Variants in ZRANB3 observed in about 807,000 individuals in gnomAD.
The protein encoded by ZRANB3 is zinc finger RANBP2-type containing 3.
A neutral mutation model predicts 133.8 loss-of-function variants in ZRANB3; 125 were observed. That is an observed-to-expected ratio of 0.93 (90% CI 0.81 to 1.08). The LOEUF (loss-of-function observed/expected upper bound fraction) is 1.08, where lower values mean the gene tolerates loss of function less well. Among genes scored for constraint, ZRANB3 ranks in the 50% least tolerant of loss-of-function variants. The pLI, the probability that ZRANB3 is intolerant of heterozygous loss-of-function variation, is 0.00. For synonymous variants in ZRANB3, 387 were observed against 432.7 expected (o/e 0.89, Z 1.31); for missense variants, 1,229 against 1,275.5 (o/e 0.96, Z 0.56).
chr2:135,330,731 G>A (rs915195161), intron 6 of ZRANB3, among the ~76,000 whole-genome samples: 1 of 152,134 alleles, frequency 6.6e-6, no homozygotes, highest in Non-Finnish European at 1.5e-5. Context: ...TTCAGAGCCT[G>A]TTATTGGTCT....
At chr2:135,509,470 CA>C (rs1485779843) in intron 1 of ZRANB3, among the ~76,000 whole-genome samples, 1 of 152,038 alleles carries the variant, frequency 6.6e-6, no homozygotes, top group African/African-American at 2.4e-5. Context: ...CCTAATAAAA[CA>C]AATCTAGATA....
intron 12 of ZRANB3, among the ~76,000 whole-genome samples, chr2:135,255,144 C>G (rs1421110388): frequency 1.3e-5 from 2 of 152,080 alleles, no homozygotes; most frequent in Non-Finnish European, 2.9e-5. Flanking sequence ...AGTCTCAGCT[C>G]CTACACTAGG....
chr2:135,352,910 A>C (rs1685273263), intron 4 of ZRANB3, among the ~76,000 whole-genome samples: 1 of 152,156 alleles, frequency 6.6e-6, no homozygotes, highest in Non-Finnish European at 1.5e-5. Context: ...ATGAGGAAAA[A>C]AATACTAACA....
chr2:135,400,474 T>C (rs1306963018), intron 2 of ZRANB3, among the ~76,000 whole-genome samples: 4 of 152,058 alleles, frequency 2.6e-5, no homozygotes, highest in Non-Finnish European at 5.9e-5. Context: ...GCCTCCCAAG[T>C]AGCTGGAAAT....
At chr2:135,352,490 G>T (rs1196874401) in intron 4 of ZRANB3, among the ~76,000 whole-genome samples, 2 of 151,874 alleles carry the variant, frequency 1.3e-5, no homozygotes, top group Non-Finnish European at 2.9e-5. Context: ...TAATAATTAG[G>T]ATAAGATAGC....
intron 15 of ZRANB3, among the ~76,000 whole-genome samples, chr2:135,223,330 A>ATT (rs1317540635): frequency 6.9e-6 from 1 of 144,604 alleles, no homozygotes. Flanking sequence ...TGAAAAAAAC[A>ATT]TTTTTTTTTT....
chr2:135,296,366 G>A lies in ZRANB3; in HGVS notation c.966+17123C>T, dbSNP rs571951012. ...CTGATACACTTTCTTCCAATTGATC[G>A]CATCGGCTACTGAGGCTTGTGCCTT... On this transcript the variant is annotated intron_variant, in intron 8 of 20. Coordinates refer to ENST00000264159, the MANE Select transcript of ZRANB3 (RefSeq NM_032143.4). Among the ~76,000 whole-genome samples the A allele has an allele frequency of 4.6e-5, 7 of 152,158 alleles. No individual in the cohort carries two copies. In the East Asian group the frequency reaches 5.8e-4, roughly 13 times the overall value.
At chr2:135,495,170 G>A (rs1359629105) in intron 2 of ZRANB3, among the ~76,000 whole-genome samples, 2 of 152,192 alleles carry the variant, frequency 1.3e-5, no homozygotes, top group Non-Finnish European at 1.5e-5. Context: ...CGAGGTTACA[G>A]TGAGCTATGA....
intron 8 of ZRANB3, among the ~76,000 whole-genome samples, chr2:135,283,630 A>C (rs923373702): frequency 6.7e-6 from 1 of 149,216 alleles, no homozygotes; most frequent in Non-Finnish European, 1.5e-5. Flanking sequence ...AAAAAAAAAA[A>C]CTGAATTCAA....
At chr2:135,386,880 T>C (rs907431312) in intron 3 of ZRANB3, among the ~76,000 whole-genome samples, 1 of 151,282 alleles carries the variant, frequency 6.6e-6, no homozygotes. Context: ...TTAGGAGAAA[T>C]ACCTAATGTA....
At chr2:135,365,655 T>C (rs1449115310) in intron 3 of ZRANB3, among the ~76,000 whole-genome samples, 1 of 152,142 alleles carries the variant, frequency 6.6e-6, no homozygotes, top group Non-Finnish European at 1.5e-5. Context: ...AAGATAAGGA[T>C]TAGGAAACAA....
At chr2:135,510,154 G>A (rs1693382358) in intron 1 of ZRANB3, among the ~76,000 whole-genome samples, 1 of 152,108 alleles carries the variant, frequency 6.6e-6, no homozygotes, top group Non-Finnish European at 1.5e-5. Flanking sequence ...GAAACACACA[G>A]AAAGTAAGAA....
chr2:135,400,555 T>C (rs572750736), intron 2 of ZRANB3, among the ~76,000 whole-genome samples: 17 of 152,298 alleles, frequency 1.1e-4, no homozygotes, highest in Non-Finnish European at 2.2e-4. Context: ...TCTGTCCACC[T>C]TGGCTTCATC....
chr2:135,521,321 G>C (rs1235789991), intron 1 of ZRANB3, among the ~76,000 whole-genome samples: 1 of 152,140 alleles, frequency 6.6e-6, no homozygotes. Flanking sequence ...GGCCGAGGCA[G>C]GCAGATCATG....
chr2:135,269,739 C>T (rs1388206899), intron 10 of ZRANB3, among the ~76,000 whole-genome samples: 1 of 152,038 alleles, frequency 6.6e-6, no homozygotes, highest in African/African-American at 2.4e-5. Flanking sequence ...GCTTTATAAT[C>T]AATATATGAA....
intron 6 of ZRANB3, among the ~76,000 whole-genome samples, chr2:135,343,292 G>A (rs1351234026): frequency 6.7e-6 from 1 of 149,166 alleles, no homozygotes. Flanking sequence ...TTAATATGGT[G>A]AATTATATTT....
intron 2 of ZRANB3, among the ~76,000 whole-genome samples, chr2:135,490,483 T>C (rs1433579072): frequency 6.6e-6 from 1 of 152,056 alleles, no homozygotes; most frequent in African/African-American, 2.4e-5. Context: ...AAATTGCTTT[T>C]ATCAAAAAAA....
At chr2:135,420,086 T>A (rs1439952132) in intron 2 of ZRANB3, among the ~76,000 whole-genome samples, 1 of 112,430 alleles carries the variant, frequency 8.9e-6, no homozygotes, top group African/African-American at 4.4e-5. Flanking sequence ...ATATATATCT[T>A]AGATTTATAT....
Position 135,486,086 on chromosome 2 carries a change from G to A in ZRANB3, c.161+18243C>T, listed in dbSNP as rs527464676. Among the ~76,000 whole-genome samples, 67 of 152,252 alleles carry A rather than the reference G, an allele frequency of 4.4e-4. 1 individual carries two copies. The South Asian group carries it at 0.014, about 32-fold the overall frequency. On this transcript the variant is annotated intron_variant, in intron 2 of 20. Coordinates refer to ENST00000264159, the MANE Select transcript of ZRANB3 (RefSeq NM_032143.4). Reference sequence around the variant, plus strand: ...ATGGCTGCTGACTAATCAAGGTGGTGGTTGCTGAAGGGTGTGACGGCTGTG... The same window carrying A: ...ATGGCTGCTGACTAATCAAGGTGGTAGTTGCTGAAGGGTGTGACGGCTGTG...
Sources: gnomAD v4.1 joint callset for allele counts (sites outside exome capture counted in the v4.1 genomes callset) on GRCh38, gnomAD v4.1.1 for gene constraint, MANE v1.5 for transcripts, NCBI Gene and HGNC (gene_info 2026-07-23, HGNC 2026-07-21) for gene names.